MCF2L2: variants seen among roughly 807,000 people sequenced by gnomAD.
MCF2L2 encodes probable guanine nucleotide exchange factor MCF2L2.
A neutral mutation model predicts 150.2 loss-of-function variants in MCF2L2; 102 were observed. The ratio of observed to expected loss-of-function variants is 0.68; its 90% CI spans 0.58 to 0.80. MCF2L2 has a LOEUF of 0.80. Ranked by LOEUF, MCF2L2 falls within the 30% of genes least tolerant of loss-of-function variation. The pLI, the probability that MCF2L2 is intolerant of heterozygous loss-of-function variation, is 0.00. For missense variants in MCF2L2, 1,256 were observed against 1,372.8 expected (o/e 0.91, Z 1.34); for synonymous variants, 465 against 491.3 (o/e 0.95, Z 0.71).
intron 22 of MCF2L2, among the ~76,000 whole-genome samples, chr3:183,209,065 G>A (rs1396779953): frequency 6.6e-6 from 1 of 152,176 alleles, no homozygotes; most frequent in Admixed American, 6.5e-5. Flanking sequence ...CAATGCTCCT[G>A]TTCTGTGTTA....
At chr3:183,395,319 A>G (rs1055492354) in intron 1 of MCF2L2, among the ~76,000 whole-genome samples, 4 of 152,226 alleles carry the variant, frequency 2.6e-5, no homozygotes, top group Non-Finnish European at 4.4e-5. Context: ...AAATCCTACA[A>G]GTGGTGAGAT....
chr3:183,337,284 C>G (rs1309456234), intron 5 of MCF2L2, among the ~76,000 whole-genome samples: 1 of 152,062 alleles, frequency 6.6e-6, no homozygotes, highest in East Asian at 1.9e-4. Flanking sequence ...CAGCTAGGCA[C>G]AGTGGCTCAC....
At chr3:183,404,648 G>A (rs1185878404) in intron 1 of MCF2L2, among the ~76,000 whole-genome samples, 3 of 152,198 alleles carry the variant, frequency 2.0e-5, no homozygotes, top group African/African-American at 7.2e-5. Context: ...GGATCACGAG[G>A]TCAGGTGTTC....
Position 183,297,131 on chromosome 3 carries a change from C to T in MCF2L2, c.1342G>A (p.Ala448Thr), listed in dbSNP as rs1431124070. Residue 448 changes from alanine to threonine, a missense_variant, in exon 12 of 30, where the codon GCT (alanine) becomes ACT (threonine). Coordinates refer to ENST00000328913, the MANE Select transcript of MCF2L2 (RefSeq NM_015078.4). ...QWCEAGIYLL[A>T]SQAVDKCQSR... ...TGGCACTTGTCTACAGCTTGGGAAG[C>T]CAAGAGGTAGATTCCTGCCTCACAC... 5 of 1,613,950 alleles carry T rather than the reference C, an allele frequency of 3.1e-6. No homozygotes were observed. Among genetic ancestry groups the T allele is most frequent in the Non-Finnish European group, 4.2e-6 (5 of 1,179,996 alleles).
intron 3 of MCF2L2, among the ~76,000 whole-genome samples, chr3:183,363,565 G>C (rs1270682040): frequency 3.0e-5 from 4 of 132,712 alleles, no homozygotes; most frequent in Non-Finnish European, 3.3e-5. Flanking sequence ...GCAACATAGG[G>C]AGACCCCAAC....
At chr3:183,266,531 C>T (rs1265999312) in intron 15 of MCF2L2, among the ~76,000 whole-genome samples, 1 of 152,180 alleles carries the variant, frequency 6.6e-6, no homozygotes, top group Admixed American at 6.5e-5. Flanking sequence ...TGGAGGAGGC[C>T]AGAGGGCCCT....
intron 5 of MCF2L2, among the ~76,000 whole-genome samples, chr3:183,338,364 T>G (rs995230212): frequency 9.9e-5 from 15 of 151,290 alleles, no homozygotes. Context: ...GGAGAATCAC[T>G]TGAACCCGAG....
intron 4 of MCF2L2, among the ~76,000 whole-genome samples, chr3:183,339,548 A>C (rs1478524117): frequency 6.6e-6 from 1 of 152,220 alleles, no homozygotes; most frequent in Non-Finnish European, 1.5e-5. Flanking sequence ...CTAGAGTCGT[A>C]AAATAATTAC....
chr3:183,198,055 A>G (rs986540742), intron 25 of MCF2L2, among the ~76,000 whole-genome samples: 2 of 152,208 alleles, frequency 1.3e-5, no homozygotes, highest in Non-Finnish European at 2.9e-5. Context: ...CACCTACCAT[A>G]TGGCCTAACC....
intron 14 of MCF2L2, among the ~76,000 whole-genome samples, chr3:183,281,893 CT>C (rs397876715): frequency 0.29 from 35,003 of 121,368 alleles, 4,604 homozygotes; most frequent in East Asian, 0.58. Context: ...TTCACAGGGT[CT>C]TTTTTTTTTT....
chr3:183,325,445 G>A (rs1729984778), intron 5 of MCF2L2, among the ~76,000 whole-genome samples: 1 of 152,022 alleles, frequency 6.6e-6, no homozygotes, highest in Admixed American at 6.6e-5. Flanking sequence ...CTTTTAAAAT[G>A]TATCTTTATA....
At chr3:183,193,122 G>T in intron 26 of MCF2L2, 26 bp from the exon 27 acceptor site, 1 of 1,587,038 alleles carries the variant, frequency 6.3e-7, no homozygotes, top group Non-Finnish European at 8.7e-7. Flanking sequence ...CATGAATATT[G>T]AGTCACTGGA....
intron 1 of MCF2L2, among the ~76,000 whole-genome samples, chr3:183,390,046 C>G (rs1267104578): frequency 6.6e-6 from 1 of 152,150 alleles, no homozygotes; most frequent in East Asian, 1.9e-4. Context: ...GGAAAGAACC[C>G]TGAAGTTTAA....
chr3:183,326,109 C>T (rs1730013133), intron 5 of MCF2L2, among the ~76,000 whole-genome samples: 2 of 150,348 alleles, frequency 1.3e-5, no homozygotes, highest in South Asian at 4.2e-4. Flanking sequence ...GTGGTAATGA[C>T]AAAGGATGGA....
chr3:183,355,113 C>T (rs947295066), intron 3 of MCF2L2, among the ~76,000 whole-genome samples: 3 of 150,796 alleles, frequency 2.0e-5, no homozygotes, highest in Admixed American at 6.6e-5. Context: ...TTTCATAAGT[C>T]TAATGGATCC....
chr3:183,425,299 C>A (rs1319878716), intron 1 of MCF2L2, among the ~76,000 whole-genome samples: 2 of 152,078 alleles, frequency 1.3e-5, no homozygotes, highest in South Asian at 2.1e-4. Context: ...AGAGCAGAAA[C>A]CCCTGCTGGA....
intron 10 of MCF2L2, among the ~76,000 whole-genome samples, chr3:183,303,602 G>A (rs114032899): frequency 2.2e-4 from 33 of 152,158 alleles, no homozygotes; most frequent in Non-Finnish European, 4.4e-4. Context: ...ACGAAGCCCC[G>A]CAGGGACCGT....
At chr3:183,226,023 C>T (rs925796270) in intron 18 of MCF2L2, 1 of 152,148 alleles carries the variant, frequency 6.6e-6, no homozygotes, top group African/African-American at 2.4e-5. Context: ...AGCACCCATT[C>T]CAGTGCTCTT....
chr3:183,295,787 A>G (rs868552731), intron 12 of MCF2L2, among the ~76,000 whole-genome samples: 1 of 152,000 alleles, frequency 6.6e-6, no homozygotes, highest in Non-Finnish European at 1.5e-5. Flanking sequence ...GTGAAATCAC[A>G]TCTCTACTAA....
Sources: allele counts gnomAD v4.1 joint callset (sites outside exome capture counted in the v4.1 genomes callset), GRCh38; gene constraint gnomAD v4.1.1; transcripts MANE v1.5; gene names NCBI Gene and HGNC (gene_info 2026-07-23, HGNC 2026-07-21).